SPTAN1: variants seen among roughly 807,000 people sequenced by gnomAD.
SPTAN1 encodes spectrin alpha chain, non-erythrocytic 1.
Under a neutral mutation model 331.3 loss-of-function variants are expected in SPTAN1, and 61 were observed. The observed-to-expected ratio is 0.18, with a 90% confidence interval of 0.15 to 0.23. SPTAN1 has a LOEUF of 0.23. Ranked by LOEUF, SPTAN1 falls within the 10% of genes least tolerant of loss-of-function variation. The pLI, the probability that SPTAN1 is intolerant of heterozygous loss-of-function variation, is 1.00. For missense variants in SPTAN1, 2,043 were observed against 3,147.9 expected (o/e 0.65, Z 8.40); for synonymous variants, 1,153 against 1,173.9 (o/e 0.98, Z 0.36).
chr9:128,632,123 G>C lies in SPTAN1; in HGVS notation c.6763-4G>C. 4 of 1,613,026 alleles carry C rather than the reference G, an allele frequency of 2.5e-6. No individual in the cohort carries two copies. Among genetic ancestry groups the C allele is most frequent in the Non-Finnish European group, 3.4e-6 (4 of 1,179,932 alleles). ...CTGAGCATCTGTGCTCCCCACCCCTGCAGCGCAAGCACCAGGAAATCCGAG... is the reference window on the plus strand; with the variant it reads ...CTGAGCATCTGTGCTCCCCACCCCTCCAGCGCAAGCACCAGGAAATCCGAG... On this transcript the variant is annotated splice_region_variant and splice_polypyrimidine_tract_variant and intron_variant, in intron 52 of 56. Transcript: ENST00000372739.
At position 128,626,519 on chromosome 9, in the gene SPTAN1, G is replaced by C. The variant is rs199930602; in HGVS notation, c.6408G>C (p.Glu2136Asp). The C allele has an allele frequency of 2.2e-4, 359 of 1,613,942 alleles. 3 individuals are homozygous for C. The highest frequency in any genetic ancestry group is 8.5e-6 in the Non-Finnish European group (10 of 1,180,018). Residue 2136 changes from glutamate (E) to aspartate (D), a missense_variant, in exon 49 of 57, where the codon GAG (glutamate) becomes GAC (aspartate). Glu to Asp is a conservative substitution (Grantham distance 45, BLOSUM62 2). Coordinates refer to ENST00000372739, the MANE Select transcript of SPTAN1 (RefSeq NM_001130438.3). ...NSLEEIKALR[E>D]AHDAFRSSLS... ...TGGAAGAAATCAAAGCTTTGCGCGAGGCCCACGACGCCTTCCGCTCCTCCC... is the reference window on the plus strand; with the variant it reads ...TGGAAGAAATCAAAGCTTTGCGCGACGCCCACGACGCCTTCCGCTCCTCCC...
In SPTAN1 at chr9:128,577,400, C is replaced by T. The variant is rs587784442; in HGVS notation, c.979C>T (p.Leu327=). 76 of 1,614,098 alleles carry T rather than the reference C, an allele frequency of 4.7e-5. No homozygotes were observed. The Admixed American group carries it at 1.2e-3, about 25-fold the overall frequency. ...TGACCGCCTGCAACAGTCCCACCCT[C>T]TGAGTGCAACACAGATTCAAGTGAA... is the stretch of plus-strand genomic sequence containing the variant. ...EADRLQQSHP[L]SATQIQVKRE... is the part of the protein sequence containing the mutation. Residue 327 remains leucine (L), a synonymous_variant, in exon 8 of 57, where the codon CTG becomes TTG. Coordinates refer to ENST00000372739, the MANE Select transcript of SPTAN1 (RefSeq NM_001130438.3). The surrounding 1 kb of genome is among the most constrained non-coding windows in gnomAD (Gnocchi z 4.2).
At chr9:128,558,530 G>C (rs572832203) in intron 1 of SPTAN1, among the ~76,000 whole-genome samples, 1 of 152,250 alleles carries the variant, frequency 6.6e-6, no homozygotes, top group African/African-American at 2.4e-5. Context: ...TGCATTCCTA[G>C]GAAGTCGTCT....
At chr9:128,578,294 T>G (rs781242300) in intron 9 of SPTAN1, 49 bp downstream of exon 9, 18 of 1,609,490 alleles carry the variant, frequency 1.1e-5, no homozygotes, top group Non-Finnish European at 1.4e-5. Flanking sequence ...TAGCTTATAA[T>G]GCACCAGTTT....
intron 55 of SPTAN1, 41 bp from the exon 56 acceptor site, chr9:128,632,767 C>G (rs1401784457): frequency 6.2e-7 from 1 of 1,614,058 alleles, no homozygotes. Context: ...GGGGCACCCA[C>G]CTGCCCTCCC....
rs139447855 is a variant in SPTAN1 at position 128,629,322 on chromosome 9, C to T, written c.6708-999C>T. Reference sequence around the variant, plus strand: ...GGAGGGGTCTGTCCTCCCACTGCACCGGCACCCAGCCTCCTGCCCCCAGGT... The same window carrying T: ...GGAGGGGTCTGTCCTCCCACTGCACTGGCACCCAGCCTCCTGCCCCCAGGT... On this transcript the variant is annotated intron_variant, in intron 51 of 56. Coordinates refer to ENST00000372739, the MANE Select transcript of SPTAN1 (RefSeq NM_001130438.3). This position sits in a 1 kb window ranked among gnomAD's most constrained non-coding sequence, Gnocchi z 4.9. 2.2e-3 allele frequency: 884 copies of T among 393,002 alleles called. 12 individuals carry two copies. The highest frequency in any genetic ancestry group is 0.016 in the African/African-American group (791 of 48,522). The allele number at this position is 393,002 out of a possible 1,614,324, so 24.3% of individuals were successfully genotyped here. A position where few individuals can be genotyped will look rare whatever the true frequency, so the allele number is the denominator to read the frequency against.
chr9:128,619,525 C>T (rs1262656908), intron 44 of SPTAN1, among the ~76,000 whole-genome samples: 1 of 152,214 alleles, frequency 6.6e-6, no homozygotes, highest in Non-Finnish European at 1.5e-5. Flanking sequence ...TCACTCCAGT[C>T]TCTGCCTGTC....
chr9:128,614,539 G>C (rs184431265), intron 40 of SPTAN1, among the ~76,000 whole-genome samples: 1 of 151,398 alleles, frequency 6.6e-6, no homozygotes, highest in Non-Finnish European at 1.5e-5. Context: ...GCAGTGAGCC[G>C]AGATTGTGTA....
At position 128,600,064 on chromosome 9, in the gene SPTAN1, C is replaced by T; in HGVS notation, c.3544-16C>T. The T allele has an allele frequency of 6.2e-7, 1 of 1,614,190 alleles. No homozygotes were observed. Among genetic ancestry groups the T allele is most frequent in the Non-Finnish European group, 8.5e-7 (1 of 1,180,028 alleles). On this transcript the variant is annotated splice_polypyrimidine_tract_variant and intron_variant, in intron 26 of 56. Transcript: ENST00000372739. ...GTCAATTGCTTGGCTGCCTAAATTC[C>T]TCTTTCTTTGAATAGGATGAAACTG...
chr9:128,593,202 C>T (rs1006030523), intron 23 of SPTAN1, 160 bp downstream of exon 23: 6 of 762,492 alleles, frequency 7.9e-6, no homozygotes, highest in African/African-American at 5.2e-5. Context: ...GGGAAGAGGT[C>T]GCGGTGCAGC....
intron 1 of SPTAN1, among the ~76,000 whole-genome samples, chr9:128,565,559 A>G (rs1224001863): frequency 6.6e-6 from 1 of 152,164 alleles, no homozygotes; most frequent in African/African-American, 2.4e-5. Flanking sequence ...CACCAATGAG[A>G]ACTGCTTGAA....
At chr9:128,574,279 G>A (rs1014257198) in intron 3 of SPTAN1, among the ~76,000 whole-genome samples, 1 of 149,102 alleles carries the variant, frequency 6.7e-6, no homozygotes, top group African/African-American at 2.5e-5. Context: ...ATAATTAATA[G>A]TATCAATTGT....
At position 128,566,814 on chromosome 9, in the gene SPTAN1, G is replaced by A. The variant is rs1850091477; in HGVS notation, c.74G>A (p.Arg25Gln). Residue 25 changes from arginine to glutamine, a missense_variant, in exon 2 of 57, where the codon CGA becomes CAA. Around this residue, in one of 12 missense-constraint regions of SPTAN1, gnomAD observed 1,038 missense variants for 1,531.5 expected, o/e 0.68. Coordinates refer to ENST00000372739, the MANE Select transcript of SPTAN1 (RefSeq NM_001130438.3). ...IQERRQQVLD[R>Q]YHRFKELSTL... ...GAGAGGCGGCAGCAGGTCCTAGACC[G>A]ATACCACCGCTTCAAGGAACTCTCA... is the stretch of plus-strand genomic sequence containing the variant. 6 of 1,614,206 alleles carry A rather than the reference G, an allele frequency of 3.7e-6. No individual in the cohort carries two copies. The highest frequency in any genetic ancestry group is 5.1e-6 in the Non-Finnish European group (6 of 1,180,032).
intron 5 of SPTAN1, among the ~76,000 whole-genome samples, chr9:128,575,987 G>A (rs145197328): frequency 6.0e-4 from 91 of 152,198 alleles, no homozygotes; most frequent in African/African-American, 2.1e-3. Flanking sequence ...CTTATAGGCT[G>A]GTACTTGTTT....
Position 128,586,772 on chromosome 9 carries a change from A to G in SPTAN1, c.2778+807A>G, listed in dbSNP as rs181384727. Among the ~76,000 whole-genome samples, 235 of 151,512 alleles carry G rather than the reference A, an allele frequency of 1.6e-3. 1 individual carries two copies. The highest frequency in any genetic ancestry group is 5.3e-3 in the African/African-American group (220 of 41,344). ...AGGTCTAGGTATAGTTCCTGTACCT[A>G]GCTCTTACCACTCTTCACAAAAACT... On this transcript the variant is annotated intron_variant, in intron 19 of 56. Transcript: ENST00000372739.
chr9:128,622,391 C>A (rs1005662172), intron 45 of SPTAN1, among the ~76,000 whole-genome samples: 2 of 151,654 alleles, frequency 1.3e-5, no homozygotes, highest in African/African-American at 4.9e-5. Flanking sequence ...CCTCCACCTC[C>A]CAGGTTGAAA....
At chr9:128,555,257 A>T (rs1196211186) in intron 1 of SPTAN1, 10 of 902,984 alleles carry the variant, frequency 1.1e-5, no homozygotes, top group Admixed American at 2.6e-5. Flanking sequence ...TTTAATCTGT[A>T]TTCATATTTT....
intron 31 of SPTAN1, among the ~76,000 whole-genome samples, chr9:128,606,393 C>A (rs144279732): frequency 0.028 from 1,523 of 55,316 alleles, 11 homozygotes; most frequent in Middle Eastern, 0.062. Flanking sequence ...AAAAAAAAAA[C>A]AAGTCTCTAC....
chr9:128,632,783 A>C, intron 55 of SPTAN1, 25 bp from the exon 56 acceptor site: 1 of 1,614,006 alleles, frequency 6.2e-7, no homozygotes, highest in Non-Finnish European at 8.5e-7. Flanking sequence ...CTCCCTGCTC[A>C]GGCTCTTGCT....
Sources: allele counts gnomAD v4.1 joint callset (sites outside exome capture counted in the v4.1 genomes callset), GRCh38; gene constraint gnomAD v4.1.1; regional missense constraint gnomAD v4.1.1; non-coding constraint Gnocchi (gnomAD v3.1); transcripts MANE v1.5; gene names NCBI Gene and HGNC (gene_info 2026-07-23, HGNC 2026-07-21).